Variants in MAP2 observed in about 807,000 individuals in gnomAD.
MAP2 encodes the protein microtubule-associated protein 2.
A neutral mutation model predicts 137.6 loss-of-function variants in MAP2; 14 were observed. That is an observed-to-expected ratio of 0.10 (90% CI 0.07 to 0.16). The LOEUF is 0.16. Among genes scored for constraint, MAP2 ranks in the 10% least tolerant of loss-of-function variants. The pLI, the probability that MAP2 is intolerant of heterozygous loss-of-function variation, is 1.00. For missense variants in MAP2, 2,088 were observed against 2,191.5 expected (o/e 0.95, Z 0.94); for synonymous variants, 786 against 782.3 (o/e 1.00, Z -0.08).
intron 4 of MAP2, among the ~76,000 whole-genome samples, chr2:209,644,254 C>G (rs2710478): frequency 0.21 from 31,467 of 151,850 alleles, 5,003 homozygotes; most frequent in African/African-American, 0.43. Flanking sequence ...ATTTCTAAAC[C>G]TTTATATCAT....
chr2:209,592,034 C>G (rs2079392449), intron 3 of MAP2, among the ~76,000 whole-genome samples: 1 of 152,150 alleles, frequency 6.6e-6, no homozygotes. Context: ...CTCTTCCCAA[C>G]TCCTGCTTTT....
chr2:209,721,893 GTAT>G (rs1357569812), intron 13 of MAP2: 1 of 152,120 alleles, frequency 6.6e-6, no homozygotes, highest in Non-Finnish European at 1.5e-5. Context: ...ATCCTTTAAA[GTAT>G]TATTATTAGA....
intron 2 of MAP2, among the ~76,000 whole-genome samples, chr2:209,565,577 TCC>T (rs1358832324): frequency 1.1e-4 from 16 of 152,178 alleles, no homozygotes; most frequent in Non-Finnish European, 2.2e-4. Context: ...ACTATTTCCA[TCC>T]ATGATTTATA....
At chr2:209,456,138 C>T (rs994800323) in intron 1 of MAP2, among the ~76,000 whole-genome samples, 8 of 152,088 alleles carry the variant, frequency 5.3e-5, no homozygotes, top group Non-Finnish European at 1.0e-4. Flanking sequence ...TTTAAATGAA[C>T]CTTATCATGT....
At chr2:209,566,189 C>A (rs549762766) in intron 2 of MAP2, among the ~76,000 whole-genome samples, 1 of 152,184 alleles carries the variant, frequency 6.6e-6, no homozygotes, top group African/African-American at 2.4e-5. Context: ...ATCATCAATA[C>A]ACGTAAGTCC....
chr2:209,693,566 G>A lies in MAP2; in HGVS notation c.1396G>A (p.Ala466Thr). ...VPKESKPPKP[A>T]DEEIGIIQTS... Reference sequence around the variant, plus strand: ...AAAAGAGAGTAAACCCCCAAAACCTGCAGATGAAGAAATAGGCATAATTCA... The same window carrying A: ...AAAAGAGAGTAAACCCCCAAAACCTACAGATGAAGAAATAGGCATAATTCA... The change falls in exon 8 of 16, where the codon GCA (alanine) becomes ACA (threonine). Residue 466 changes from alanine to threonine, a missense_variant. Ala to Thr is a moderately conservative substitution (Grantham distance 58). This residue lies in a region of MAP2 where 859 missense variants were observed against 794.5 expected (regional missense o/e 1.08). Coordinates refer to ENST00000682079, the MANE Select transcript of MAP2 (RefSeq NM_001375505.1). The A allele has an allele frequency of 6.2e-7, 1 of 1,612,782 alleles. No individual in the cohort carries two copies. The highest frequency in any genetic ancestry group is 1.1e-5 in the South Asian group (1 of 90,694).
intron 3 of MAP2, among the ~76,000 whole-genome samples, chr2:209,603,758 A>G (rs113201901): frequency 1.1e-4 from 17 of 152,314 alleles, no homozygotes; most frequent in African/African-American, 4.1e-4. Context: ...TATAAAAGAC[A>G]TCTTTTTAAG....
intron 1 of MAP2, among the ~76,000 whole-genome samples, chr2:209,493,458 G>C (rs1209563704): frequency 3.3e-5 from 5 of 152,178 alleles, no homozygotes; most frequent in Admixed American, 2.6e-4. Context: ...AAACTAAAGA[G>C]CTTCTGCACA....
chr2:209,704,218 G>T (rs1399713361), intron 11 of MAP2, among the ~76,000 whole-genome samples: 2 of 151,894 alleles, frequency 1.3e-5, no homozygotes, highest in Non-Finnish European at 2.9e-5. Context: ...TGTGATATTT[G>T]GTTTTCTTAG....
At position 209,532,944 on chromosome 2, in the gene MAP2, C is replaced by T. The variant is rs551863641; in HGVS notation, c.-172+25303C>T. Among the ~76,000 whole-genome samples, 3 of 152,250 alleles carry T rather than the reference C, an allele frequency of 2.0e-5. No homozygotes were observed. The East Asian group carries it at 5.8e-4, about 29-fold the overall frequency. On this transcript the variant is annotated intron_variant, in intron 2 of 15. Coordinates refer to ENST00000682079, the MANE Select transcript of MAP2 (RefSeq NM_001375505.1). ...ATGAAATAGCTGGGATTTGCCCACT[C>T]CTCCCTGCTCCCCTGACAGAAGCAT... is the stretch of plus-strand genomic sequence containing the variant.
chr2:209,574,612 C>T (rs183183948), intron 2 of MAP2, among the ~76,000 whole-genome samples: 1 of 152,276 alleles, frequency 6.6e-6, no homozygotes, highest in Admixed American at 6.5e-5. Flanking sequence ...TGTATAGCTT[C>T]TCTAGGTATT....
intron 1 of MAP2, among the ~76,000 whole-genome samples, chr2:209,432,647 C>T (rs1226833584): frequency 1.3e-5 from 2 of 152,088 alleles, no homozygotes; most frequent in Non-Finnish European, 1.5e-5. Context: ...TTAATTCTCT[C>T]GATGAACATG....
chr2:209,494,483 G>C (rs568644779), intron 1 of MAP2, among the ~76,000 whole-genome samples: 32 of 149,400 alleles, frequency 2.1e-4, no homozygotes, highest in African/African-American at 7.8e-4. Context: ...ATGGTTATGA[G>C]AGTGACCTTT....
At chr2:209,621,031 C>T (rs767913708) in intron 3 of MAP2, among the ~76,000 whole-genome samples, 1 of 151,828 alleles carries the variant, frequency 6.6e-6, no homozygotes, top group Non-Finnish European at 1.5e-5. Context: ...TCTGTCTCTA[C>T]TAGAAATACA....
chr2:209,690,715 C>G, intron 7 of MAP2: 1 of 1,289,722 alleles, frequency 7.8e-7, no homozygotes, highest in Non-Finnish European at 1.0e-6. Flanking sequence ...TCAGTAAGGG[C>G]CAAATGGAGT....
At chr2:209,553,018 G>T (rs1019707294) in intron 2 of MAP2, among the ~76,000 whole-genome samples, 1 of 145,772 alleles carries the variant, frequency 6.9e-6, no homozygotes, top group African/African-American at 2.5e-5. Flanking sequence ...TTTTGTTGTT[G>T]TTTTTTTTTT....
chr2:209,630,006 C>G (rs1035891864), intron 4 of MAP2, among the ~76,000 whole-genome samples: 12 of 152,166 alleles, frequency 7.9e-5, no homozygotes, highest in African/African-American at 2.7e-4. Flanking sequence ...TGTCTTTTAA[C>G]TGTTTGACCA....
In MAP2 at chr2:209,709,975, T is replaced by A; in HGVS notation, c.4794T>A (p.Ser1598=). The A allele has an allele frequency of 6.2e-7, 1 of 1,614,006 alleles. No individual in the cohort carries two copies. Residue 1598 remains serine (S), a synonymous_variant, in exon 13 of 16, where the codon TCT becomes TCA. Transcript: ENST00000682079. ...CCTCAACACCCACTACCCCTGGGTC[T>A]ACTGCCATCACTCCTGGCACCCCAC... ...SGTSTPTTPG[S]TAITPGTPPS...
chr2:209,680,637 C>G, intron 6 of MAP2, 113 bp from the exon 7 acceptor site: 1 of 907,408 alleles, frequency 1.1e-6, no homozygotes, highest in Non-Finnish European at 1.8e-6. Context: ...ACTATTGAAT[C>G]TTTTTCTGAA....
Sources: gnomAD v4.1 joint callset for allele counts (sites outside exome capture counted in the v4.1 genomes callset) on GRCh38, gnomAD v4.1.1 for gene constraint, gnomAD v4.1.1 regional missense constraint, MANE v1.5 for transcripts, NCBI Gene and HGNC (gene_info 2026-07-23, HGNC 2026-07-21) for gene names.